Variants in ATP11C observed in about 807,000 individuals in gnomAD.
ATP11C encodes phospholipid-transporting ATPase IG.
A neutral mutation model predicts 97.4 loss-of-function variants in ATP11C; 36 were observed. The observed-to-expected ratio is 0.37, with a 90% CI of 0.28 to 0.49. The LOEUF is 0.49. Among genes scored for constraint, ATP11C ranks in the 20% least tolerant of loss-of-function variants. ATP11C has a pLI of 0.98. For missense variants in ATP11C, 730 were observed against 824.6 expected, an observed-to-expected ratio of 0.89 and a Z score of 1.40; for synonymous variants, 275 against 290.9, an observed-to-expected ratio of 0.95 and a Z score of 0.56.
At chrX:139,792,634 CTGCT>C (rs1357173466) in intron 12 of ATP11C, among the ~76,000 whole-genome samples, 1 of 111,108 alleles carries the variant, frequency 9.0e-6, no homozygotes, top group African/African-American at 3.3e-5. Flanking sequence ...TGCTGGAGAA[CTGCT>C]TGCTTGGTGT....
At chrX:139,846,037 C>T (rs1471890400) in intron 1 of ATP11C, among the ~76,000 whole-genome samples, 1 of 111,570 alleles carries the variant, frequency 9.0e-6, no homozygotes, top group Non-Finnish European at 1.9e-5. Flanking sequence ...TATGATCATC[C>T]AAAAATAAGT....
At chrX:139,777,809 T>C (rs903087838) in intron 18 of ATP11C, among the ~76,000 whole-genome samples, 1 of 109,365 alleles carries the variant, frequency 9.1e-6, no homozygotes, top group African/African-American at 3.3e-5. Context: ...CCCATCAGAC[T>C]AATAGTGAAT....
chrX:139,867,066 A>G (rs2084299232), intron 1 of ATP11C, among the ~76,000 whole-genome samples: 1 of 111,926 alleles, frequency 8.9e-6, no homozygotes, highest in Admixed American at 9.5e-5. Context: ...AGACTAAGCG[A>G]CAGAGCAAGA....
At chrX:139,747,445 G>A (rs2081713212) in intron 24 of ATP11C, among the ~76,000 whole-genome samples, 1 of 111,385 alleles carries the variant, frequency 9.0e-6, no homozygotes, top group Non-Finnish European at 1.9e-5. Flanking sequence ...GACAGCATGA[G>A]AGAGAATCAA....
intron 19 of ATP11C, among the ~76,000 whole-genome samples, chrX:139,770,967 T>C (rs1301711644): frequency 1.8e-5 from 2 of 111,696 alleles, no homozygotes; most frequent in African/African-American, 3.3e-5. Context: ...ATAAACTGAA[T>C]TGTGTTCTCC....
At chrX:139,834,438 T>C (rs1488575357) in intron 1 of ATP11C, among the ~76,000 whole-genome samples, 1 of 111,595 alleles carries the variant, frequency 9.0e-6, no homozygotes, top group South Asian at 3.8e-4. Context: ...CATCATCTCT[T>C]CCCTCTCCCC....
chrX:139,860,972 T>C (rs2084181127), intron 1 of ATP11C, among the ~76,000 whole-genome samples: 1 of 112,222 alleles, frequency 8.9e-6, no homozygotes, highest in African/African-American at 3.2e-5. Flanking sequence ...GTAGACTCTT[T>C]GCTCAAGTCA....
intron 18 of ATP11C, among the ~76,000 whole-genome samples, chrX:139,782,137 T>C (rs1297515559): frequency 4.6e-5 from 5 of 109,735 alleles, no homozygotes; most frequent in Non-Finnish European, 7.6e-5. Flanking sequence ...CCATCCTGGC[T>C]AACACAGTGA....
intron 22 of ATP11C, among the ~76,000 whole-genome samples, chrX:139,758,541 CTTA>C (rs1406294986): frequency 9.0e-6 from 1 of 111,448 alleles, no homozygotes; most frequent in East Asian, 2.8e-4. Flanking sequence ...TCCTAAGGGA[CTTA>C]TTATTTAATT....
chrX:139,884,830 A>C (rs1017204602), intron 1 of ATP11C, among the ~76,000 whole-genome samples: 5 of 112,235 alleles, frequency 4.5e-5, no homozygotes, highest in African/African-American at 1.6e-4. Context: ...GATTATTTTC[A>C]TTTACAAAAT....
chrX:139,890,210 T>C (rs1334900569), intron 1 of ATP11C, among the ~76,000 whole-genome samples: 1 of 110,819 alleles, frequency 9.0e-6, no homozygotes, highest in African/African-American at 3.3e-5. Flanking sequence ...CCAGTGTGCA[T>C]GGTTCTGGCT....
At chrX:139,880,861 A>AAG (rs1309532840) in intron 1 of ATP11C, among the ~76,000 whole-genome samples, 1 of 112,102 alleles carries the variant, frequency 8.9e-6, no homozygotes, top group Non-Finnish European at 1.9e-5. Context: ...CACAATGGAG[A>AAG]AGCAAGTAAT....
chrX:139,762,337 GAATCATTATTTC>G (rs2082054258), intron 21 of ATP11C, among the ~76,000 whole-genome samples: 1 of 111,648 alleles, frequency 9.0e-6, no homozygotes, highest in Non-Finnish European at 1.9e-5. Context: ...CAATTAAATA[GAATCATTATTTC>G]AATCATTACA....
At chrX:139,926,141 A>G (rs1249348716) in intron 1 of ATP11C, among the ~76,000 whole-genome samples, 1 of 110,993 alleles carries the variant, frequency 9.0e-6, no homozygotes, top group East Asian at 2.8e-4. Context: ...GTTAAGTGAA[A>G]GGAAATAAAC....
chrX:139,762,836 T>C (rs1211430218), intron 21 of ATP11C, among the ~76,000 whole-genome samples: 1 of 111,220 alleles, frequency 9.0e-6, no homozygotes, highest in Admixed American at 9.6e-5. Flanking sequence ...TGTTGTTGCA[T>C]GTCAATATAT....
At chrX:139,781,154 G>A (rs942766082) in intron 18 of ATP11C, among the ~76,000 whole-genome samples, 1 of 111,469 alleles carries the variant, frequency 9.0e-6, no homozygotes, top group African/African-American at 3.3e-5. Context: ...AAGACGACAA[G>A]AGAAAAACGA....
chrX:139,820,683 G>A (rs2083390171), intron 2 of ATP11C, among the ~76,000 whole-genome samples: 1 of 110,046 alleles, frequency 9.1e-6, no homozygotes, highest in Non-Finnish European at 1.9e-5. Flanking sequence ...ATTGCACACG[G>A]CCAGAACTCT....
At chrX:139,800,431 A>G (rs778456707) in intron 7 of ATP11C, among the ~76,000 whole-genome samples, 2 of 112,252 alleles carry the variant, frequency 1.8e-5, no homozygotes, top group Non-Finnish European at 3.8e-5. Flanking sequence ...TAAATAACGT[A>G]ACTTCTATCT....
chrX:139,787,199 T>G lies in ATP11C; in HGVS notation c.1566A>C (p.Val522=). The change falls in exon 15 of 30, where the codon GTA becomes GTC. Residue 522 remains valine (V), a synonymous_variant. Coordinates refer to ENST00000682941, the MANE Select transcript of ATP11C (RefSeq NM_001353812.2). ...FLGNRNGYMR[V]ENQRKEIEEY... is the part of the protein sequence containing the mutation. ...CTTCTATTTCTTTTCTTTGGTTCTCTACTCTCATATATCCATTTCGATTTC... is the reference window on the plus strand; with the variant it reads ...CTTCTATTTCTTTTCTTTGGTTCTCGACTCTCATATATCCATTTCGATTTC... 1 of 1,189,158 alleles carries G rather than the reference T, an allele frequency of 8.4e-7. No homozygotes were observed. Among genetic ancestry groups the G allele is most frequent in the South Asian group, 1.8e-5 (1 of 56,228 alleles).
Sources: gnomAD v4.1 joint callset for allele counts (sites outside exome capture counted in the v4.1 genomes callset) on GRCh38, gnomAD v4.1.1 for gene constraint, MANE v1.5 for transcripts, NCBI Gene and HGNC (gene_info 2026-07-23, HGNC 2026-07-21) for gene names.